The following MAGI2 variants were observed in gnomAD, a reference collection of about 807,000 sequenced individuals.
The protein encoded by MAGI2 is membrane-associated guanylate kinase, WW and PDZ domain-containing protein 2.
MAGI2 carries 35 observed loss-of-function variants against 133.3 expected under a neutral mutation model. The observed-to-expected ratio is 0.26, with a 90% CI of 0.20 to 0.35. The LOEUF (loss-of-function observed/expected upper bound fraction) is 0.35. Ranked by LOEUF, MAGI2 falls within the 10% of genes least tolerant of loss-of-function variation. The pLI is 1.00. For synonymous variants in MAGI2, 729 were observed against 710.6 expected, an observed-to-expected ratio of 1.03 and a Z score of -0.41; for missense variants, 1,636 against 1,863.4, an observed-to-expected ratio of 0.88 and a Z score of 2.25.
intron 1 of MAGI2, among the ~76,000 whole-genome samples, chr7:79,265,670 A>G (rs1299559907): frequency 6.6e-6 from 1 of 152,128 alleles, no homozygotes; most frequent in African/African-American, 2.4e-5. Flanking sequence ...GCATGCTACA[A>G]GTAAGTTTTG....
At chr7:78,876,716 C>A (rs946643275) in intron 2 of MAGI2, among the ~76,000 whole-genome samples, 60 of 152,150 alleles carry the variant, frequency 3.9e-4, no homozygotes, top group African/African-American at 1.4e-3. Flanking sequence ...TTTAAAATAA[C>A]ACATTCAATG....
intron 2 of MAGI2, among the ~76,000 whole-genome samples, chr7:78,713,952 G>A (rs984371578): frequency 6.8e-6 from 1 of 147,886 alleles, no homozygotes; most frequent in African/African-American, 2.4e-5. Flanking sequence ...CTCGTTTTCT[G>A]TTATTTCTTT....
intron 1 of MAGI2, among the ~76,000 whole-genome samples, chr7:79,446,869 G>A (rs368817573): frequency 0.011 from 1,737 of 152,062 alleles, 23 homozygotes; most frequent in African/African-American, 0.04. Flanking sequence ...GGAGAATGGC[G>A]TGAACCCGGG....
At chr7:78,428,819 T>A (rs1246936854) in intron 6 of MAGI2, among the ~76,000 whole-genome samples, 4 of 152,192 alleles carry the variant, frequency 2.6e-5, no homozygotes, top group Non-Finnish European at 5.9e-5. Context: ...TATAGGTCGC[T>A]GCCTATCAGA....
chr7:78,901,632 T>C (rs1053749269), intron 2 of MAGI2: 5 of 152,194 alleles, frequency 3.3e-5, no homozygotes, highest in Admixed American at 6.5e-5. Flanking sequence ...ATCAATTTTG[T>C]TGGTGTCATG....
At chr7:78,994,470 A>AT (rs1422004453) in intron 2 of MAGI2, among the ~76,000 whole-genome samples, 5 of 152,078 alleles carry the variant, frequency 3.3e-5, no homozygotes, top group South Asian at 2.1e-4. Context: ...CATTTTCATG[A>AT]TTTTTTCCCT....
At chr7:79,198,413 G>GAA (rs925415709) in intron 1 of MAGI2, among the ~76,000 whole-genome samples, 1 of 147,664 alleles carries the variant, frequency 6.8e-6, no homozygotes, top group Non-Finnish European at 1.5e-5. Context: ...TGATATGACT[G>GAA]AAAAAAAAAA....
chr7:79,137,820 T>C (rs1226343767), intron 1 of MAGI2, among the ~76,000 whole-genome samples: 1 of 151,950 alleles, frequency 6.6e-6, no homozygotes, highest in East Asian at 1.9e-4. Flanking sequence ...CCCCACAACA[T>C]ATGTCTATGT....
intron 1 of MAGI2, among the ~76,000 whole-genome samples, chr7:79,378,075 A>G (rs549609163): frequency 6.6e-6 from 1 of 151,898 alleles, no homozygotes; most frequent in South Asian, 2.1e-4. Flanking sequence ...AAGTTCTCAA[A>G]TTTTGGGGGT....
At chr7:78,679,129 T>G (rs1233562850) in intron 2 of MAGI2, among the ~76,000 whole-genome samples, 1 of 152,124 alleles carries the variant, frequency 6.6e-6, no homozygotes, top group African/African-American at 2.4e-5. Context: ...ACTATGAAAT[T>G]CTACTTTTCA....
intron 3 of MAGI2, among the ~76,000 whole-genome samples, chr7:78,539,714 G>A (rs1438813014): frequency 6.6e-6 from 1 of 152,272 alleles, no homozygotes; most frequent in East Asian, 1.9e-4. Context: ...TGGTACTGGG[G>A]AATGTCTGCA....
At chr7:78,742,575 C>A (rs543065209) in intron 2 of MAGI2, among the ~76,000 whole-genome samples, 2 of 152,208 alleles carry the variant, frequency 1.3e-5, no homozygotes, top group African/African-American at 4.8e-5. Flanking sequence ...AGATCCCATG[C>A]CATCTTTGTT....
chr7:79,109,997 G>C (rs1441331398), intron 1 of MAGI2, among the ~76,000 whole-genome samples: 1 of 152,228 alleles, frequency 6.6e-6, no homozygotes, highest in Non-Finnish European at 1.5e-5. Flanking sequence ...TGGCAGATCT[G>C]GCCCCAGTCT....
chr7:78,768,815 C>T (rs1477315288), intron 2 of MAGI2, among the ~76,000 whole-genome samples: 1 of 152,152 alleles, frequency 6.6e-6, no homozygotes, highest in East Asian at 1.9e-4. Flanking sequence ...TCCTCATGCT[C>T]CCCTCTCTAG....
At chr7:78,053,432 T>C (rs918264707) in intron 21 of MAGI2, among the ~76,000 whole-genome samples, 3 of 152,208 alleles carry the variant, frequency 2.0e-5, no homozygotes, top group Non-Finnish European at 4.4e-5. Context: ...CCTTCCCCTC[T>C]CCTTGTCAGA....
chr7:79,350,656 AGAT>A, intron 1 of MAGI2, among the ~76,000 whole-genome samples: 1 of 152,252 alleles, frequency 6.6e-6, no homozygotes, highest in Non-Finnish European at 1.5e-5. Flanking sequence ...ATATTTAAGA[AGAT>A]GGGCTGAATG....
chr7:79,186,548 T>C (rs1827159787), intron 1 of MAGI2, among the ~76,000 whole-genome samples: 1 of 149,366 alleles, frequency 6.7e-6, no homozygotes, highest in South Asian at 2.1e-4. Context: ...ATTTTGTTTA[T>C]TCCTAAGAAG....
At chr7:78,774,811 T>C (rs980687059) in intron 2 of MAGI2, among the ~76,000 whole-genome samples, 2 of 152,254 alleles carry the variant, frequency 1.3e-5, no homozygotes, top group Admixed American at 6.5e-5. Context: ...AGGTCCCAGA[T>C]GCTTTTCAGA....
chr7:79,373,435 TAAC>T (rs1843181420), intron 1 of MAGI2, among the ~76,000 whole-genome samples: 1 of 152,006 alleles, frequency 6.6e-6, no homozygotes, highest in Admixed American at 6.6e-5. Context: ...TATAATTTAA[TAAC>T]ATGTCTTCTG....
Sources: allele counts gnomAD v4.1 joint callset (sites outside exome capture counted in the v4.1 genomes callset), GRCh38; gene constraint gnomAD v4.1.1; transcripts MANE v1.5; gene names NCBI Gene and HGNC (gene_info 2026-07-23, HGNC 2026-07-21).